GALNT5: variants seen among roughly 807,000 people sequenced by gnomAD.
The protein encoded by GALNT5 is polypeptide N-acetylgalactosaminyltransferase 5.
GALNT5 carries 72 observed loss-of-function variants against 85.4 expected under a neutral mutation model. The ratio of observed to expected loss-of-function variants is 0.84; its 90% CI spans 0.70 to 1.03. GALNT5 has a LOEUF of 1.03. Ranked by LOEUF, GALNT5 falls within the 50% of genes least tolerant of loss-of-function variation. GALNT5 has a pLI of 0.00. For synonymous variants in GALNT5, 404 were observed against 397.0 expected (o/e 1.02, Z -0.21); for missense variants, 1,137 against 1,135.5 (o/e 1.00, Z -0.02).
At chr2:157,294,941 C>T (rs7599742) in intron 3 of GALNT5, among the ~76,000 whole-genome samples, 111,686 of 151,020 alleles carry the variant, frequency 0.74, 45,856 homozygotes, top group Non-Finnish European at 0.92. Flanking sequence ...CTTAATACTA[C>T]TTCTGGCCTC....
intron 9 of GALNT5, 98 bp from the exon 10 acceptor site, chr2:157,311,110 A>G (rs1683559945): frequency 3.2e-6 from 3 of 929,664 alleles, no homozygotes; most frequent in Non-Finnish European, 5.0e-6. Context: ...AATCAAAAAT[A>G]TAACTGCCTG....
chr2:157,315,042 C>T lies in GALNT5; in HGVS notation c.*3694C>T, dbSNP rs1683668847. On this transcript the variant is annotated 3_prime_UTR_variant, in exon 10 of 10. Coordinates refer to ENST00000259056, the MANE Select transcript of GALNT5 (RefSeq NM_014568.3). ...GCAGTGAGCTGAAATTGCGCCACTG[C>T]ACTCCAGCCTAGACAACAGAGCAAG... Among the ~76,000 whole-genome samples the T allele has an allele frequency of 6.6e-6, 1 of 152,084 alleles. No homozygotes were observed. Among genetic ancestry groups the T allele is most frequent in the South Asian group, 2.1e-4 (1 of 4,824 alleles).
Position 157,258,242 on chromosome 2 carries a change from C to A in GALNT5, c.160C>A (p.Arg54=). The change falls in exon 1 of 10, where the codon CGG becomes AGG. Residue 54 remains arginine (R), a synonymous_variant. Transcript: ENST00000259056. ...VIKEDIVRRE[R]IGFRVQPDQG... Reference sequence around the variant, plus strand: ...CAAGGAAGACATTGTGAGGAGGGAGCGGATAGGATTCAGAGTTCAGCCAGA... The same window carrying A: ...CAAGGAAGACATTGTGAGGAGGGAGAGGATAGGATTCAGAGTTCAGCCAGA... 6.2e-7 allele frequency: 1 copy of A among 1,611,792 alleles called. No homozygotes were observed. Among genetic ancestry groups the A allele is most frequent in the Non-Finnish European group, 8.5e-7 (1 of 1,179,186 alleles).
chr2:157,270,355 G>GCTCACT (rs1420645282), intron 1 of GALNT5, among the ~76,000 whole-genome samples: 2 of 152,172 alleles, frequency 1.3e-5, no homozygotes, highest in Non-Finnish European at 2.9e-5. Flanking sequence ...TCAGGAAAGT[G>GCTCACT]CTCACTGCCC....
At chr2:157,268,789 C>T (rs1019625698) in intron 1 of GALNT5, among the ~76,000 whole-genome samples, 1 of 139,736 alleles carries the variant, frequency 7.2e-6, no homozygotes, top group Non-Finnish European at 1.5e-5. Flanking sequence ...CCTAGATTCC[C>T]CCCCAAGACA....
chr2:157,293,263 C>T lies in GALNT5; in HGVS notation c.1742-2400C>T, dbSNP rs568613583. On this transcript the variant is annotated intron_variant, in intron 3 of 9. Coordinates refer to ENST00000259056, the MANE Select transcript of GALNT5 (RefSeq NM_014568.3). ...GGCTGGGAAGTCCAAGATCAAGGCACTAGCAGATTCGGTGTCTAGTGACAG... is the reference window on the plus strand; with the variant it reads ...GGCTGGGAAGTCCAAGATCAAGGCATTAGCAGATTCGGTGTCTAGTGACAG... 3.9e-4 allele frequency among the ~76,000 whole-genome samples: 59 copies of T among 152,302 alleles called. 1 individual carries two copies. In the South Asian group the frequency reaches 4.4e-3, roughly 11 times the overall value.
At chr2:157,277,427 G>A (rs1022078698) in intron 1 of GALNT5, among the ~76,000 whole-genome samples, 12 of 152,148 alleles carry the variant, frequency 7.9e-5, no homozygotes, top group Admixed American at 2.6e-4. Flanking sequence ...GGGCATTAAA[G>A]TCTCCCATTA....
At chr2:157,280,915 C>T (rs1156559) in intron 1 of GALNT5, among the ~76,000 whole-genome samples, 27,208 of 152,080 alleles carry the variant, frequency 0.18, 5,560 homozygotes, top group African/African-American at 0.5. Context: ...GCTCCCACTT[C>T]GTCTTCTGCC....
In GALNT5 at chr2:157,313,987, T is replaced by C. The variant is rs1010630007; in HGVS notation, c.*2639T>C. The C allele has an allele frequency of 5.9e-5, 9 of 152,168 alleles. No homozygotes were observed. The highest frequency in any genetic ancestry group is 2.2e-4 in the African/African-American group (9 of 41,446). The allele number at this position is 152,168 out of a possible 1,614,324, so 9.4% of individuals were successfully genotyped here. ...TATATGGGCCTAAACTTGAGTGTAT[T>C]GATTTATTATTACATCTACTACCAA... is the stretch of plus-strand genomic sequence containing the variant. On this transcript the variant is annotated 3_prime_UTR_variant, in exon 10 of 10. Transcript: ENST00000259056.
At chr2:157,279,681 G>C (rs1682816015) in intron 1 of GALNT5, among the ~76,000 whole-genome samples, 2 of 152,244 alleles carry the variant, frequency 1.3e-5, no homozygotes, top group Non-Finnish European at 2.9e-5. Context: ...GAAAAGCACA[G>C]TATTTGGGCA....
chr2:157,259,412 C>A lies in GALNT5; in HGVS notation c.1330C>A (p.Pro444Thr). The A allele has an allele frequency of 6.7e-7, 1 of 1,488,456 alleles. No individual in the cohort carries two copies. The highest frequency in any genetic ancestry group is 8.9e-7 in the Non-Finnish European group (1 of 1,118,424). The allele number at this position is 1,488,456 out of a possible 1,614,324, so 92.2% of individuals were successfully genotyped here. Reference sequence around the variant, plus strand: ...CAAAGCTCCAGGGCAGTTTGGGCGTCCTGTAGTTGTCCCCCATGGAAAGGA... The same window carrying A: ...CAAAGCTCCAGGGCAGTTTGGGCGTACTGTAGTTGTCCCCCATGGAAAGGA... ...DPKAPGQFGRPVVVPHGKEKE... is the reference protein window; with the variant it reads ...DPKAPGQFGRTVVVPHGKEKE... Residue 444 changes from proline (P) to threonine (T), a missense_variant, in exon 1 of 10, where the codon CCT (proline) becomes ACT (threonine). Pro to Thr is a conservative substitution (Grantham distance 38). Coordinates refer to ENST00000259056, the MANE Select transcript of GALNT5 (RefSeq NM_014568.3).
At chr2:157,294,965 C>CT (rs11449042) in intron 3 of GALNT5, among the ~76,000 whole-genome samples, 120,044 of 148,030 alleles carry the variant, frequency 0.81, 49,908 homozygotes, top group South Asian at 0.92. Context: ...GTTTCTTTTC[C>CT]TTTTTTTTTT....
Position 157,259,001 on chromosome 2 carries a change from G to C in GALNT5, c.919G>C (p.Ala307Pro). The change falls in exon 1 of 10, where the codon GCT becomes CCT. Residue 307 changes from alanine (A) to proline (P), a missense_variant. By Grantham distance (27) the Ala-to-Pro change is conservative. Transcript: ENST00000259056. ...GGGAAGTTTGTCAAAGGATGATGGA[G>C]CTAGAGGGGCTCATGGGAAGAAACT... Reference protein sequence around the residue: ...PLGSLSKDDGARGAHGKKLNF... With the variant: ...PLGSLSKDDGPRGAHGKKLNF... 6.7e-7 allele frequency: 1 copy of C among 1,491,242 alleles called. No homozygotes were observed. Among genetic ancestry groups the C allele is most frequent in the Non-Finnish European group, 8.9e-7 (1 of 1,120,010 alleles). 92.4% of individuals were successfully genotyped at this position (1,491,242 alleles called of 1,614,324 possible).
chr2:157,286,133 A>T lies in GALNT5; in HGVS notation c.1740A>T (p.Thr580=). 1 of 1,605,890 alleles carries T rather than the reference A, an allele frequency of 6.2e-7. No homozygotes were observed. The highest frequency in any genetic ancestry group is 8.5e-7 in the Non-Finnish European group (1 of 1,177,010). The stretch of plus-strand genomic sequence containing the variant: ...GGCTGGCAGGAGCACAGAATGCAAC[A>T]GGTAAGAAGTTACTCATTTTTTTGT... ...RARLAGAQNA[T]GDVLTFLDSH... The change falls in exon 3 of 10, where the codon ACA becomes ACT. Residue 580 remains threonine, a splice_region_variant and synonymous_variant. Transcript: ENST00000259056.
chr2:157,303,082 A>G (rs1322948013), intron 7 of GALNT5, among the ~76,000 whole-genome samples: 1 of 152,188 alleles, frequency 6.6e-6, no homozygotes, highest in Non-Finnish European at 1.5e-5. Context: ...TTCAACCTCC[A>G]CTACGGAATT....
chr2:157,258,321 G>T lies in GALNT5; in HGVS notation c.239G>T (p.Gly80Val). ...AAAGAGATGAAACCTCCCCTAAGGG[G>T]ACATGGGAAAGGGGCATGGGGCAAA... ...SIKEMKPPLR[G>V]HGKGAWGKEN... Residue 80 changes from glycine (G) to valine (V), a missense_variant, in exon 1 of 10, where the codon GGA becomes GTA. Coordinates refer to ENST00000259056, the MANE Select transcript of GALNT5 (RefSeq NM_014568.3). 6.3e-7 allele frequency: 1 copy of T among 1,598,134 alleles called. No individual in the cohort carries two copies. Among genetic ancestry groups the T allele is most frequent in the Non-Finnish European group, 8.5e-7 (1 of 1,174,174 alleles).
At chr2:157,268,052 C>T (rs1682496079) in intron 1 of GALNT5, among the ~76,000 whole-genome samples, 1 of 152,096 alleles carries the variant, frequency 6.6e-6, no homozygotes, top group African/African-American at 2.4e-5. Flanking sequence ...GGAGTGAAGG[C>T]CCCTGAAGGC....
intron 1 of GALNT5, among the ~76,000 whole-genome samples, chr2:157,265,262 T>C (rs1682433322): frequency 1.3e-5 from 2 of 152,192 alleles, no homozygotes; most frequent in Admixed American, 6.5e-5. Context: ...TGTAACATAA[T>C]GAAGGTGAAA....
chr2:157,265,878 C>G (rs918661418), intron 1 of GALNT5, among the ~76,000 whole-genome samples: 1 of 152,228 alleles, frequency 6.6e-6, no homozygotes, highest in South Asian at 2.1e-4. Context: ...ACCTCCTCAA[C>G]TGGCGTTGCT....
Sources: gnomAD v4.1 joint callset for allele counts (sites outside exome capture counted in the v4.1 genomes callset) on GRCh38, gnomAD v4.1.1 for gene constraint, MANE v1.5 for transcripts, NCBI Gene and HGNC (gene_info 2026-07-23, HGNC 2026-07-21) for gene names.